GRM7: variants seen among roughly 807,000 people sequenced by gnomAD.
GRM7 encodes the protein metabotropic glutamate receptor 7.
Under a neutral mutation model 84.5 loss-of-function variants are expected in GRM7, and 35 were observed. The ratio of observed to expected loss-of-function variants is 0.41; its 90% CI spans 0.32 to 0.55. The LOEUF (loss-of-function observed/expected upper bound fraction) is 0.55, where lower values mean the gene tolerates loss of function less well. Among genes scored for constraint, GRM7 ranks in the 20% least tolerant of loss-of-function variants. The pLI is 0.19. For missense variants in GRM7, 1,003 were observed against 1,194.6 expected, an observed-to-expected ratio of 0.84 and a Z score of 2.36; for synonymous variants, 487 against 455.1, an observed-to-expected ratio of 1.07 and a Z score of -0.89.
Position 6,980,159 on chromosome 3 carries a change from C to G in GRM7, c.519+118252C>G, listed in dbSNP as rs545732847. On this transcript the variant is annotated intron_variant, in intron 1 of 9. Transcript: ENST00000357716. ...CCATTCTTTCATTCTTTCACTCTTT[C>G]TTTCTTGAGTTCTAATGAAGAGGCC... Among the ~76,000 whole-genome samples, 70 of 152,090 alleles carry G rather than the reference C, an allele frequency of 4.6e-4. 1 individual carries two copies. The highest frequency in any genetic ancestry group is 3.4e-3 in the Middle Eastern group (1 of 294).
At chr3:7,229,096 T>C (rs537532694) in intron 2 of GRM7, among the ~76,000 whole-genome samples, 6 of 152,240 alleles carry the variant, frequency 3.9e-5, no homozygotes, top group African/African-American at 1.4e-4. Context: ...TGATCAACTA[T>C]ATGTCAAATT....
At chr3:7,231,825 C>T (rs930027431) in intron 2 of GRM7, among the ~76,000 whole-genome samples, 3 of 152,146 alleles carry the variant, frequency 2.0e-5, no homozygotes. Flanking sequence ...TAAAGGTGTC[C>T]CCTTACTGCC....
chr3:7,276,205 A>AG (rs1699047560), intron 2 of GRM7, among the ~76,000 whole-genome samples: 1 of 89,968 alleles, frequency 1.1e-5, no homozygotes, highest in African/African-American at 5.3e-5. Context: ...ATATATATAT[A>AG]TATGTGTGTG....
intron 1 of GRM7, among the ~76,000 whole-genome samples, chr3:6,977,435 A>G (rs1694043359): frequency 6.6e-6 from 1 of 151,946 alleles, no homozygotes; most frequent in Non-Finnish European, 1.5e-5. Flanking sequence ...ATTGAAATAA[A>G]TCGTTATTCC....
At chr3:7,065,496 C>A (rs1022089220) in intron 1 of GRM7, among the ~76,000 whole-genome samples, 1 of 151,712 alleles carries the variant, frequency 6.6e-6, no homozygotes, top group African/African-American at 2.4e-5. Flanking sequence ...GATCAATTGG[C>A]TGTAAATATT....
At chr3:7,348,996 A>T (rs948981187) in intron 4 of GRM7, among the ~76,000 whole-genome samples, 1 of 152,160 alleles carries the variant, frequency 6.6e-6, no homozygotes, top group Non-Finnish European at 1.5e-5. Context: ...CCATGCCTTC[A>T]TGCAACGGAG....
At chr3:7,071,740 T>A (rs1054111718) in intron 1 of GRM7, among the ~76,000 whole-genome samples, 5 of 152,146 alleles carry the variant, frequency 3.3e-5, no homozygotes, top group Non-Finnish European at 1.5e-5. Flanking sequence ...TGACAATCAC[T>A]GGATTAAATA....
At position 6,928,342 on chromosome 3, in the gene GRM7, T is replaced by G. The variant is rs963116556; in HGVS notation, c.519+66435T>G. Among the ~76,000 whole-genome samples the G allele has an allele frequency of 4.5e-4, 68 of 152,176 alleles. No individual in the cohort carries two copies. Among genetic ancestry groups the G allele is most frequent in the African/African-American group, 1.6e-3 (68 of 41,450 alleles). On this transcript the variant is annotated intron_variant, in intron 1 of 9. Transcript: ENST00000357716. This position sits in a 1 kb window ranked among gnomAD's most constrained non-coding sequence, Gnocchi z 4.5. ...CAGTTTTCCCATGAAAGTTTACTAT[T>G]TGGCACTGGTCCTGCAGGAAGGTGG...
chr3:7,042,442 A>G (rs1444536035), intron 1 of GRM7, among the ~76,000 whole-genome samples: 1 of 152,180 alleles, frequency 6.6e-6, no homozygotes, highest in Non-Finnish European at 1.5e-5. Flanking sequence ...ACCAGACCAT[A>G]TAATACTCTT....
At position 7,130,530 on chromosome 3, in the gene GRM7, G is replaced by A. The variant is rs183707407; in HGVS notation, c.520-15922G>A. Among the ~76,000 whole-genome samples, 394 of 147,408 alleles carry A rather than the reference G, an allele frequency of 2.7e-3. 2 individuals carry two copies. Among genetic ancestry groups the A allele is most frequent in the Admixed American group, 4.8e-3 (70 of 14,722 alleles). On this transcript the variant is annotated intron_variant, in intron 1 of 9. Transcript: ENST00000357716. ...TGCACTACAACCCCAGTGACAGTGC[G>A]AGATTCTTGTCTCAAAAAAAAAAAG... is the stretch of plus-strand genomic sequence containing the variant.
intron 1 of GRM7, among the ~76,000 whole-genome samples, chr3:7,009,010 T>G (rs1404740537): frequency 6.6e-6 from 1 of 152,188 alleles, no homozygotes; most frequent in African/African-American, 2.4e-5. Context: ...TCCGAAAAGT[T>G]GCCTCTTTAT....
intron 1 of GRM7, among the ~76,000 whole-genome samples, chr3:6,985,075 G>A (rs182702900): frequency 1.7e-4 from 26 of 151,806 alleles, no homozygotes; most frequent in South Asian, 4.2e-4. Context: ...CCTTTTTTTC[G>A]TTTTTTAAAT....
chr3:7,065,701 G>T (rs546309717), intron 1 of GRM7, among the ~76,000 whole-genome samples: 2 of 151,760 alleles, frequency 1.3e-5, no homozygotes, highest in African/African-American at 4.8e-5. Context: ...ATGAATTTTA[G>T]AATTGTTTTT....
At chr3:7,192,102 G>T (rs1695728939) in intron 2 of GRM7, among the ~76,000 whole-genome samples, 1 of 152,048 alleles carries the variant, frequency 6.6e-6, no homozygotes, top group African/African-American at 2.4e-5. Flanking sequence ...GCGAGCTAAG[G>T]CTGGATGATG....
chr3:7,485,312 A>C (rs1699279830), intron 7 of GRM7, among the ~76,000 whole-genome samples: 1 of 152,156 alleles, frequency 6.6e-6, no homozygotes, highest in South Asian at 2.1e-4. Flanking sequence ...TAATGCATAC[A>C]CTCAGGAGAA....
intron 4 of GRM7, among the ~76,000 whole-genome samples, chr3:7,323,220 G>A (rs1700854546): frequency 6.6e-6 from 1 of 152,138 alleles, no homozygotes; most frequent in Non-Finnish European, 1.5e-5. Flanking sequence ...TTCAGCCAAA[G>A]GAGAGGGAGA....
chr3:6,982,900 T>G (rs1277442936), intron 1 of GRM7, among the ~76,000 whole-genome samples: 1 of 152,240 alleles, frequency 6.6e-6, no homozygotes, highest in Non-Finnish European at 1.5e-5. Flanking sequence ...ATTTGGGCTG[T>G]TCCCAGTTTT....
Position 7,206,872 on chromosome 3 carries a change from A to G in GRM7, c.736+60204A>G, listed in dbSNP as rs150919703. ...TTCTGAAGAGCTGGCTTTACAATAG[A>G]CTCAGAACCCCCAGGTGTTGGGGGA... On this transcript the variant is annotated intron_variant, in intron 2 of 9. Coordinates refer to ENST00000357716, the MANE Select transcript of GRM7 (RefSeq NM_000844.4). 1.6e-3 allele frequency among the ~76,000 whole-genome samples: 247 copies of G among 152,214 alleles called. 5 individuals are homozygous for G. The East Asian group carries it at 0.04, about 25-fold the overall frequency.
chr3:6,975,428 G>C (rs934646695), intron 1 of GRM7, among the ~76,000 whole-genome samples: 1 of 152,078 alleles, frequency 6.6e-6, no homozygotes, highest in African/African-American at 2.4e-5. Flanking sequence ...CTTTCTACCT[G>C]TACAAGATTT....
Sources: gnomAD v4.1 joint callset for allele counts (sites outside exome capture counted in the v4.1 genomes callset) on GRCh38, gnomAD v4.1.1 for gene constraint, Gnocchi (gnomAD v3.1) non-coding constraint, MANE v1.5 for transcripts, NCBI Gene and HGNC (gene_info 2026-07-23, HGNC 2026-07-21) for gene names.